The following ZFR2 variants were observed in gnomAD, a reference collection of about 807,000 sequenced individuals.
The protein encoded by ZFR2 is zinc finger RNA-binding protein 2.
In ZFR2, 104 loss-of-function variants were observed where a neutral mutation model predicts 105.7. That is an observed-to-expected ratio of 0.98 (90% CI 0.84 to 1.16). The LOEUF is 1.16. Among genes scored for constraint, ZFR2 ranks in the 50% most tolerant of loss-of-function variants. The pLI, the probability that ZFR2 is intolerant of heterozygous loss-of-function variation, is 0.00. For missense variants in ZFR2, 1,425 were observed against 1,355.5 expected, an observed-to-expected ratio of 1.05 and a Z score of -0.80; for synonymous variants, 634 against 597.7, an observed-to-expected ratio of 1.06 and a Z score of -0.89.
chr19:3,827,292 G>A (rs1324675550), intron 6 of ZFR2, among the ~76,000 whole-genome samples, 179 bp downstream of exon 6: 1 of 152,210 alleles, frequency 6.6e-6, no homozygotes, highest in Admixed American at 6.5e-5. Flanking sequence ...CTGGAAAGGA[G>A]TTTGGATCCT....
At chr19:3,840,995 C>T (rs576591918) in intron 1 of ZFR2, among the ~76,000 whole-genome samples, 4 of 152,324 alleles carry the variant, frequency 2.6e-5, no homozygotes, top group South Asian at 2.1e-4. Flanking sequence ...TACACACACA[C>T]ATGTGCATGA....
chr19:3,853,703 G>A (rs2038266965), intron 1 of ZFR2, among the ~76,000 whole-genome samples: 1 of 152,168 alleles, frequency 6.6e-6, no homozygotes, highest in African/African-American at 2.4e-5. Context: ...GGCTAATGGA[G>A]ATGGAGTTTC....
At chr19:3,806,258 G>C in intron 18 of ZFR2, 133 bp from the exon 19 acceptor site, 1 of 1,009,474 alleles carries the variant, frequency 9.9e-7, no homozygotes, top group Non-Finnish European at 1.3e-6. Context: ...GATAGCCCCC[G>C]GCCCCCCGCC....
At chr19:3,807,915 A>G (rs748340234) in intron 17 of ZFR2, among the ~76,000 whole-genome samples, 3 of 124,296 alleles carry the variant, frequency 2.4e-5, no homozygotes, top group Non-Finnish European at 5.0e-5. Context: ...GTATGTGTAT[A>G]TGCCCATGTG....
intron 1 of ZFR2, among the ~76,000 whole-genome samples, chr19:3,843,428 G>A (rs1368180099): frequency 9.9e-5 from 15 of 151,800 alleles, no homozygotes; most frequent in Admixed American, 4.6e-4. Flanking sequence ...TTGAGATCGC[G>A]CCACTGCACT....
In ZFR2 at chr19:3,820,944, A is replaced by T. The variant is rs1306924302; in HGVS notation, c.1631+396T>A. Reference sequence around the variant, plus strand: ...ACACCGGGGGTCGGGGGACACAGGGACACTAGAGGTCGGTGGACACAGGGA... The same window carrying T: ...ACACCGGGGGTCGGGGGACACAGGGTCACTAGAGGTCGGTGGACACAGGGA... On this transcript the variant is annotated intron_variant, in intron 10 of 18. Coordinates refer to ENST00000262961, the MANE Select transcript of ZFR2 (RefSeq NM_015174.2). Among the ~76,000 whole-genome samples the T allele has an allele frequency of 1.3e-3, 109 of 86,192 alleles. 22 individuals carry two copies. The highest frequency in any genetic ancestry group is 1.6e-3 in the East Asian group (4 of 2,488). The allele number at this position is 86,192 out of a possible 152,430, so 56.5% of individuals were successfully genotyped here. A position where few individuals can be genotyped will look rare whatever the true frequency, so the allele number is the denominator to read the frequency against.
At position 3,805,996 on chromosome 19, in the gene ZFR2, C is replaced by T. The variant is rs749788526; in HGVS notation, c.2773G>A (p.Ala925Thr). 33 of 1,545,416 alleles carry T rather than the reference C, an allele frequency of 2.1e-5. No individual in the cohort carries two copies. Among genetic ancestry groups the T allele is most frequent in the South Asian group, 4.8e-5 (4 of 83,964 alleles). Residue 925 changes from alanine to threonine, a missense_variant, in exon 19 of 19, where the codon GCA becomes ACA. Transcript: ENST00000262961. ...QRGPGEGEEG[A>T]GEKKRGRRGG... ...CGCCGGCCCCGCTTCTTCTCCCCTG[C>T]GCCCTCCTCTCCCTCGCCAGGTCCC...
intron 11 of ZFR2, among the ~76,000 whole-genome samples, chr19:3,819,713 G>A (rs538331600): frequency 4.2e-4 from 64 of 152,266 alleles, no homozygotes; most frequent in African/African-American, 1.4e-3. Context: ...AGAGCCCGGC[G>A]TGGTGGCGGG....
chr19:3,859,106 A>G (rs1261749994), intron 1 of ZFR2, among the ~76,000 whole-genome samples: 2 of 152,192 alleles, frequency 1.3e-5, no homozygotes, highest in Non-Finnish European at 2.9e-5. Flanking sequence ...CTGGGTGGGC[A>G]CCATCTAATC....
chr19:3,847,745 G>A (rs950872642), intron 1 of ZFR2, among the ~76,000 whole-genome samples: 1 of 152,160 alleles, frequency 6.6e-6, no homozygotes, highest in African/African-American at 2.4e-5. Flanking sequence ...CGCCATTAAA[G>A]CAATGCTCCA....
rs377221874 is a variant in ZFR2 at position 3,858,131 on chromosome 19, G to A, written c.53+10834C>T. 2.0e-5 allele frequency among the ~76,000 whole-genome samples: 3 copies of A among 152,158 alleles called. No individual in the cohort carries two copies. Among genetic ancestry groups the A allele is most frequent in the African/African-American group, 7.2e-5 (3 of 41,510 alleles). ...CCCACTGATCTCATTTTGTTCACAC[G>A]GCCACCAAACTCAAGGGGACGTCAA... is the stretch of plus-strand genomic sequence containing the variant. On this transcript the variant is annotated intron_variant, in intron 1 of 18. Coordinates refer to ENST00000262961, the MANE Select transcript of ZFR2 (RefSeq NM_015174.2). The surrounding 1 kb of genome is among the most constrained non-coding windows in gnomAD (Gnocchi z 4.3).
In ZFR2 at chr19:3,822,315, A is replaced by G. The variant is rs893721087; in HGVS notation, c.1372-115T>C. ...TCCTTGCTGCTCATTTTATTTATGT[A>G]TGTCTTTTTAGAGACAGCGTCTTGC... On this transcript the variant is annotated intron_variant, in intron 8 of 18. Coordinates refer to ENST00000262961, the MANE Select transcript of ZFR2 (RefSeq NM_015174.2). 2.6e-4 allele frequency: 382 copies of G among 1,468,410 alleles called. 3 individuals carry two copies. Among genetic ancestry groups the G allele is most frequent in the Admixed American group, 6.1e-5 (3 of 48,980 alleles). 91.0% of individuals were successfully genotyped at this position (1,468,410 alleles called of 1,614,324 possible).
rs1010625992 is a variant in ZFR2, at chr19:3,813,016, G to A, written c.2242+804C>T. On this transcript the variant is annotated intron_variant, in intron 14 of 18. Coordinates refer to ENST00000262961, the MANE Select transcript of ZFR2 (RefSeq NM_015174.2). This position sits in a 1 kb window ranked among gnomAD's most constrained non-coding sequence, Gnocchi z 4.4. Reference sequence around the variant, plus strand: ...AATCGCTTGAACCCAGGCGGCGGAAGTTGCAGTGAGCTGAGATTGCGCCAT... The same window carrying A: ...AATCGCTTGAACCCAGGCGGCGGAAATTGCAGTGAGCTGAGATTGCGCCAT... Among the ~76,000 whole-genome samples, 1 of 152,192 alleles carries A rather than the reference G, an allele frequency of 6.6e-6. No homozygotes were observed.
intron 17 of ZFR2, 118 bp downstream of exon 17, chr19:3,808,754 C>T: frequency 1.2e-6 from 1 of 869,316 alleles, no homozygotes; most frequent in South Asian, 1.9e-5. Context: ...GGCCGCACTC[C>T]TGCCTGGGCT....
Position 3,827,468 on chromosome 19 carries a change from T to G in ZFR2, c.1035+3A>C. 6.5e-7 allele frequency: 1 copy of G among 1,543,192 alleles called. No homozygotes were observed. Among genetic ancestry groups the G allele is most frequent in the East Asian group, 2.4e-5 (1 of 40,946 alleles). On this transcript the variant is annotated splice_donor_region_variant and intron_variant, in intron 6 of 18. Transcript: ENST00000262961. Reference sequence around the variant, plus strand: ...GCAGAGCCTGGGCCGGGCGGGGCCGTACCTTCTGGTGCTTGGATCCCCGGA... The same window carrying G: ...GCAGAGCCTGGGCCGGGCGGGGCCGGACCTTCTGGTGCTTGGATCCCCGGA...
chr19:3,823,095 G>A lies in ZFR2; in HGVS notation c.1371+151C>T, dbSNP rs2037912654. ...AAAGTGTCAAGCGGGTCTGCACGGG[G>A]TTTTGGTCCATGGAGGTCTGGCCTG... On this transcript the variant is annotated intron_variant, in intron 8 of 18. Transcript: ENST00000262961. The surrounding 1 kb of genome is among the most constrained non-coding windows in gnomAD (Gnocchi z 5.4). 1 of 1,104,152 alleles carries A rather than the reference G, an allele frequency of 9.1e-7. No individual in the cohort carries two copies. The highest frequency in any genetic ancestry group is 1.6e-5 in the African/African-American group (1 of 64,080). 68.4% of individuals were successfully genotyped at this position (1,104,152 alleles called of 1,614,324 possible). A position where few individuals can be genotyped will look rare whatever the true frequency, so the allele number is the denominator to read the frequency against.
intron 3 of ZFR2, among the ~76,000 whole-genome samples, chr19:3,832,482 C>T (rs147829316): frequency 0.02 from 3,052 of 151,914 alleles, 51 homozygotes; most frequent in Middle Eastern, 0.041. Context: ...CCACCCTGCC[C>T]GGCTAATTTT....
Position 3,819,210 on chromosome 19 carries a change from T to C in ZFR2, c.1766A>G (p.Asp589Gly). The C allele has an allele frequency of 1.9e-6, 3 of 1,562,532 alleles. No homozygotes were observed. Among genetic ancestry groups the C allele is most frequent in the Non-Finnish European group, 2.6e-6 (3 of 1,161,794 alleles). ...LQPGRRPASS[D>G]DRHVMCKHAT... ...GTGCTTGCACATGACGTGCCGGTCG[T>C]CGCTGGACGCCGGCCGCCGCCCGGG... The change falls in exon 12 of 19, where the codon GAC becomes GGC. Residue 589 changes from aspartate to glycine, a missense_variant. By Grantham distance (94) the Asp-to-Gly change is moderately conservative (BLOSUM62 -1). Transcript: ENST00000262961.
intron 1 of ZFR2, among the ~76,000 whole-genome samples, chr19:3,855,830 T>C (rs1206693233): frequency 6.6e-6 from 1 of 151,876 alleles, no homozygotes; most frequent in Admixed American, 6.6e-5. Context: ...GCAGCGTGAC[T>C]AGAGCGGAAG....
Sources: allele counts gnomAD v4.1 joint callset (sites outside exome capture counted in the v4.1 genomes callset), GRCh38; gene constraint gnomAD v4.1.1; non-coding constraint Gnocchi (gnomAD v3.1); transcripts MANE v1.5; gene names NCBI Gene and HGNC (gene_info 2026-07-23, HGNC 2026-07-21).